CNNM1: variants seen among roughly 807,000 people sequenced by gnomAD.
The protein encoded by CNNM1 is cyclin and CBS domain divalent metal cation transport mediator 1, also known as metal transporter CNNM1.
Under a neutral mutation model 78.8 loss-of-function variants are expected in CNNM1, and 44 were observed. The observed-to-expected ratio is 0.56, with a 90% CI of 0.44 to 0.72. CNNM1 has a LOEUF of 0.72. Among genes scored for constraint, CNNM1 ranks in the 30% least tolerant of loss-of-function variants. The pLI, the probability that CNNM1 is intolerant of heterozygous loss-of-function variation, is 0.00. For missense variants in CNNM1, 1,101 were observed against 1,292.2 expected, an observed-to-expected ratio of 0.85 and a Z score of 2.27; for synonymous variants, 584 against 581.5, an observed-to-expected ratio of 1.00 and a Z score of -0.06.
At chr10:99,376,972 C>G in intron 6 of CNNM1, 83 bp from the exon 7 acceptor site, 9 of 1,292,016 alleles carry the variant, frequency 7.0e-6, no homozygotes, top group Non-Finnish European at 9.7e-6. Context: ...CCTGTCTCTC[C>G]CTCCTTCCCT....
chr10:99,376,619 G>C (rs1051025224), intron 6 of CNNM1, among the ~76,000 whole-genome samples: 1 of 152,154 alleles, frequency 6.6e-6, no homozygotes, highest in African/African-American at 2.4e-5. Context: ...CATGGTAGAG[G>C]GGCGCATGGT....
intron 1 of CNNM1, among the ~76,000 whole-genome samples, chr10:99,343,942 C>T (rs1029574781): frequency 7.3e-5 from 11 of 150,172 alleles, no homozygotes; most frequent in East Asian, 2.1e-4. Context: ...AGGCTGGTCT[C>T]GAACTCCTGA....
intron 6 of CNNM1, among the ~76,000 whole-genome samples, chr10:99,366,521 C>T (rs976626126): frequency 1.3e-4 from 19 of 150,848 alleles, no homozygotes; most frequent in African/African-American, 4.6e-4. Context: ...TGGTGGCTCT[C>T]ACCTGTAATC....
At chr10:99,356,508 G>GAA (rs1402833334) in intron 1 of CNNM1, among the ~76,000 whole-genome samples, 5 of 126,412 alleles carry the variant, frequency 4.0e-5, no homozygotes, top group African/African-American at 1.5e-4. Context: ...GAGAGAGAGA[G>GAA]AGAAAGAGAA....
At chr10:99,353,033 C>T (rs756353856) in intron 1 of CNNM1, among the ~76,000 whole-genome samples, 3 of 151,978 alleles carry the variant, frequency 2.0e-5, no homozygotes, top group Non-Finnish European at 4.4e-5. Flanking sequence ...CATCCAACTT[C>T]ACTTTTTTGC....
intron 2 of CNNM1, 37 bp from the exon 3 acceptor site, chr10:99,360,798 C>A (rs1243394684): frequency 6.5e-7 from 1 of 1,548,212 alleles, no homozygotes; most frequent in East Asian, 2.3e-5. Flanking sequence ...CAACGTGATT[C>A]TGAGATAGCT....
At chr10:99,331,076 C>T (rs2029892585) in intron 1 of CNNM1, 116 bp downstream of exon 1, 1 of 1,037,596 alleles carries the variant, frequency 9.6e-7, no homozygotes, top group Non-Finnish European at 1.4e-6. Context: ...GTACTAAAAA[C>T]CCAAGGAAGA....
At chr10:99,388,130 A>T (rs777655324) in intron 8 of CNNM1, 22 bp from the exon 9 acceptor site, 2 of 1,613,122 alleles carry the variant, frequency 1.2e-6, no homozygotes, top group African/African-American at 2.7e-5. Flanking sequence ...CAGAGAGGTG[A>T]TGCACTCACT....
At chr10:99,356,787 G>A (rs893658613) in intron 1 of CNNM1, among the ~76,000 whole-genome samples, 1 of 152,140 alleles carries the variant, frequency 6.6e-6, no homozygotes, top group Admixed American at 6.6e-5. Flanking sequence ...GGTGGGCTCA[G>A]CTGGGACTGG....
chr10:99,329,928 G>C lies in CNNM1; in HGVS notation c.541G>C (p.Gly181Arg). ...GGAGCGGGGCGGCGCGGGCGGTGGC[G>C]GGAAGCTCTTTTCACTCTGCGCCTG... ...EAERGGAGGG[G>R]KLFSLCAWDG... Residue 181 changes from glycine (G) to arginine (R), a missense_variant, in exon 1 of 11, where the codon GGG (glycine) becomes CGG (arginine). This residue lies in a region of CNNM1 where 476 missense variants were observed against 484.5 expected (regional missense o/e 0.98). Transcript: ENST00000356713. 7.2e-7 allele frequency: 1 copy of C among 1,383,184 alleles called. No homozygotes were observed. Among genetic ancestry groups the C allele is most frequent in the Non-Finnish European group, 9.3e-7 (1 of 1,076,946 alleles). 85.7% of individuals were successfully genotyped at this position (1,383,184 alleles called of 1,614,324 possible).
intron 7 of CNNM1, among the ~76,000 whole-genome samples, chr10:99,383,042 T>G (rs2032205375): frequency 6.6e-6 from 1 of 152,200 alleles, no homozygotes; most frequent in Non-Finnish European, 1.5e-5. Context: ...AGTGGCTTGA[T>G]TCCCTCAGTC....
intron 1 of CNNM1, among the ~76,000 whole-genome samples, chr10:99,341,302 C>T (rs1356860417): frequency 6.6e-6 from 1 of 152,082 alleles, no homozygotes; most frequent in East Asian, 1.9e-4. Context: ...AGTGCCACCT[C>T]TGCCAGCCAC....
intron 1 of CNNM1, among the ~76,000 whole-genome samples, chr10:99,353,659 C>T (rs1014151488): frequency 4.6e-5 from 7 of 152,138 alleles, no homozygotes; most frequent in Middle Eastern, 3.2e-3. Context: ...GTTTTCTTGT[C>T]TCTGTGAGTG....
At chr10:99,379,916 G>T (rs1237941725) in intron 7 of CNNM1, among the ~76,000 whole-genome samples, 1 of 152,066 alleles carries the variant, frequency 6.6e-6, no homozygotes, top group African/African-American at 2.4e-5. Flanking sequence ...CAATATCAAG[G>T]TGCCAGCAGA....
At chr10:99,343,865 C>T (rs2030562833) in intron 1 of CNNM1, among the ~76,000 whole-genome samples, 1 of 151,880 alleles carries the variant, frequency 6.6e-6, no homozygotes, top group Non-Finnish European at 1.5e-5. Flanking sequence ...CAGACACCCG[C>T]CACCATGCCC....
At chr10:99,389,394 G>A (rs2032404512) in intron 9 of CNNM1, among the ~76,000 whole-genome samples, 1 of 144,578 alleles carries the variant, frequency 6.9e-6, no homozygotes, top group Non-Finnish European at 1.5e-5. Context: ...TCTAGCCTGG[G>A]TGACAGAGTG....
chr10:99,365,699 T>A (rs911374786), intron 6 of CNNM1, among the ~76,000 whole-genome samples: 3 of 152,234 alleles, frequency 2.0e-5, no homozygotes, highest in African/African-American at 7.2e-5. Context: ...ATTATTTCTC[T>A]AGATTTCTTT....
intron 7 of CNNM1, among the ~76,000 whole-genome samples, chr10:99,380,913 G>A (rs1400737207): frequency 1.3e-5 from 2 of 152,146 alleles, no homozygotes; most frequent in Non-Finnish European, 2.9e-5. Flanking sequence ...TTCCCAACAT[G>A]AGATAGTTTC....
chr10:99,356,824 C>T (rs900884441), intron 1 of CNNM1, among the ~76,000 whole-genome samples: 1 of 152,172 alleles, frequency 6.6e-6, no homozygotes, highest in African/African-American at 2.4e-5. Context: ...TGTGGCCTCT[C>T]CACTATGGTG....
Sources: gnomAD v4.1 joint callset for allele counts (sites outside exome capture counted in the v4.1 genomes callset) on GRCh38, gnomAD v4.1.1 for gene constraint, gnomAD v4.1.1 regional missense constraint, MANE v1.5 for transcripts, NCBI Gene and HGNC (gene_info 2026-07-23, HGNC 2026-07-21) for gene names.